Variants in RHBDL2 observed in about 807,000 individuals in gnomAD.
The protein encoded by RHBDL2 is rhomboid-related protein 2.
In RHBDL2, 26 loss-of-function variants were observed where a neutral mutation model predicts 31.7. The observed-to-expected ratio is 0.82, with a 90% CI of 0.60 to 1.14. The LOEUF (loss-of-function observed/expected upper bound fraction) is 1.14, where lower values mean the gene tolerates loss of function less well. Among genes scored for constraint, RHBDL2 ranks in the 50% most tolerant of loss-of-function variants. RHBDL2 has a pLI of 0.00. For missense variants in RHBDL2, 336 were observed against 364.4 expected, an observed-to-expected ratio of 0.92 and a Z score of 0.63; for synonymous variants, 123 against 127.2, an observed-to-expected ratio of 0.97 and a Z score of 0.22.
chr1:38,911,131 C>A (rs1373805780), intron 4 of RHBDL2, among the ~76,000 whole-genome samples, 191 bp downstream of exon 4: 1 of 152,052 alleles, frequency 6.6e-6, no homozygotes. Context: ...TGAGGACAGG[C>A]ACAATGACTT....
chr1:38,916,556 A>G (rs944277043), intron 2 of RHBDL2, among the ~76,000 whole-genome samples: 5 of 152,208 alleles, frequency 3.3e-5, no homozygotes, highest in Admixed American at 6.6e-5. Flanking sequence ...TGACAAATGT[A>G]CTATGGGGCC....
At chr1:38,901,391 G>T (rs1346886003) in intron 4 of RHBDL2, among the ~76,000 whole-genome samples, 2 of 150,264 alleles carry the variant, frequency 1.3e-5, no homozygotes, top group Non-Finnish European at 3.0e-5. Flanking sequence ...GAACCCAGGA[G>T]GCAGAGGTTG....
In RHBDL2 at chr1:38,886,426, T is replaced by C; in HGVS notation, c.*78A>G. ...GTTAGCCTTTTCTGAGACTTCTCTG[T>C]TTCTTCATAGAGTCTTCCTTTTTTT... is the stretch of plus-strand genomic sequence containing the variant. On this transcript the variant is annotated 3_prime_UTR_variant, in exon 8 of 8. Transcript: ENST00000372990. 8.7e-7 allele frequency: 1 copy of C among 1,149,792 alleles called. No individual in the cohort carries two copies. Among genetic ancestry groups the C allele is most frequent in the Non-Finnish European group, 1.2e-6 (1 of 840,224 alleles). 71.2% of individuals were successfully genotyped at this position (1,149,792 alleles called of 1,614,324 possible). A position where few individuals can be genotyped will look rare whatever the true frequency, so the allele number is the denominator to read the frequency against.
chr1:38,896,067 AC>A lies in RHBDL2; in HGVS notation c.510del (p.Ser171ProfsTer23). 7 of 1,609,790 alleles carry A rather than the reference AC, an allele frequency of 4.3e-6. No homozygotes were observed. Among genetic ancestry groups the A allele is most frequent in the Non-Finnish European group, 6.0e-6 (7 of 1,176,304 alleles). On this transcript the variant is annotated frameshift_variant and splice_region_variant, in exon 5 of 8. Coordinates refer to ENST00000372990, the MANE Select transcript of RHBDL2 (RefSeq NM_017821.5). LOFTEE classifies it high-confidence loss of function. ...GLVYLAGVIAGSLASSIFDPL... is the reference protein window; with the variant it reads ...GLVYLAGVIAXSLASSIFDPL... ...GGGTCAAAGATGGAGCTGGCAAGGG[AC>A]CCTAAAGAAATAAAACACAAAGGAT...
At chr1:38,931,389 C>T (rs937505991) in intron 1 of RHBDL2, among the ~76,000 whole-genome samples, 1 of 151,986 alleles carries the variant, frequency 6.6e-6, no homozygotes, top group Non-Finnish European at 1.5e-5. Context: ...GGCGTGTTGG[C>T]GGGCGCCTGT....
chr1:38,930,564 C>T (rs776589967), intron 1 of RHBDL2, among the ~76,000 whole-genome samples: 8 of 152,214 alleles, frequency 5.3e-5, no homozygotes, highest in Non-Finnish European at 4.4e-5. Flanking sequence ...ATCCTAAACA[C>T]ATCATCTTTG....
intron 6 of RHBDL2, 89 bp from the exon 7 acceptor site, chr1:38,888,113 A>C: frequency 1.3e-6 from 1 of 797,606 alleles, no homozygotes; most frequent in Non-Finnish European, 2.1e-6. Context: ...TAATAATACT[A>C]GCTATCATTT....
At chr1:38,888,876 A>G (rs1200259976) in intron 6 of RHBDL2, among the ~76,000 whole-genome samples, 3 of 152,142 alleles carry the variant, frequency 2.0e-5, no homozygotes, top group South Asian at 2.1e-4. Flanking sequence ...GTGTTTTCCA[A>G]CTACCAACTG....
At chr1:38,912,699 G>A (rs1304522733) in intron 3 of RHBDL2, among the ~76,000 whole-genome samples, 1 of 151,662 alleles carries the variant, frequency 6.6e-6, no homozygotes, top group Non-Finnish European at 1.5e-5. Context: ...GGGATTACAG[G>A]TGTGAGCCAC....
intron 3 of RHBDL2, 30 bp from the exon 4 acceptor site, chr1:38,911,464 T>C: frequency 6.9e-7 from 1 of 1,448,490 alleles, no homozygotes; most frequent in Non-Finnish European, 9.7e-7. Flanking sequence ...TTGTCAAATA[T>C]TATGACTAAA....
intron 1 of RHBDL2, among the ~76,000 whole-genome samples, chr1:38,921,109 C>T (rs1224233562): frequency 6.6e-5 from 10 of 152,104 alleles, no homozygotes; most frequent in Non-Finnish European, 1.5e-4. Context: ...GCATGTAAAG[C>T]ACTTAAAACA....
In RHBDL2 at chr1:38,886,162, C is replaced by T. The variant is rs558906531; in HGVS notation, c.*342G>A. The T allele has an allele frequency of 8.7e-4, 136 of 157,004 alleles. 1 individual carries two copies. The highest frequency in any genetic ancestry group is 3.2e-3 in the African/African-American group (132 of 41,816). 9.7% of individuals were successfully genotyped at this position (157,004 alleles called of 1,614,324 possible). A position where few individuals can be genotyped will look rare whatever the true frequency, so the allele number is the denominator to read the frequency against. On this transcript the variant is annotated 3_prime_UTR_variant, in exon 8 of 8. Coordinates refer to ENST00000372990, the MANE Select transcript of RHBDL2 (RefSeq NM_017821.5). Reference sequence around the variant, plus strand: ...AGAGACAGGGTTTCACCATATTGGTCAGGCTGGTCTTGAACTCATGACCTC... The same window carrying T: ...AGAGACAGGGTTTCACCATATTGGTTAGGCTGGTCTTGAACTCATGACCTC...
chr1:38,901,836 A>T (rs1246381507), intron 4 of RHBDL2, among the ~76,000 whole-genome samples: 4 of 143,598 alleles, frequency 2.8e-5, no homozygotes. Context: ...CATCTCAAAA[A>T]AAATAAAATA....
At chr1:38,896,109 G>T in intron 4 of RHBDL2, 40 bp from the exon 5 acceptor site, 2 of 1,404,360 alleles carry the variant, frequency 1.4e-6, no homozygotes, top group Non-Finnish European at 2.0e-6. Context: ...ATGACTATAC[G>T]GATCAGGAAA....
intron 1 of RHBDL2, among the ~76,000 whole-genome samples, chr1:38,930,760 T>G (rs762303223): frequency 1.3e-5 from 2 of 152,166 alleles, no homozygotes; most frequent in Non-Finnish European, 2.9e-5. Flanking sequence ...GCCCAGGCCC[T>G]TAAGTAAGGA....
chr1:38,928,316 G>A (rs2124349892), intron 1 of RHBDL2, among the ~76,000 whole-genome samples: 1 of 150,996 alleles, frequency 6.6e-6, no homozygotes, highest in South Asian at 2.1e-4. Flanking sequence ...TAATTTTTTT[G>A]TATTCTTAGT....
chr1:38,912,891 T>G (rs1244445447), intron 3 of RHBDL2, among the ~76,000 whole-genome samples: 1 of 71,614 alleles, frequency 1.4e-5, no homozygotes, highest in African/African-American at 6.1e-5. Flanking sequence ...ACCATATATA[T>G]ATATATATAT....
At chr1:38,906,471 G>A (rs531486075) in intron 4 of RHBDL2, among the ~76,000 whole-genome samples, 36 of 152,112 alleles carry the variant, frequency 2.4e-4, no homozygotes, top group Admixed American at 1.0e-3. Flanking sequence ...TCAGGAGATC[G>A]AGACCATCCT....
In RHBDL2 at chr1:38,886,545, A is replaced by G; in HGVS notation, c.871T>C (p.Phe291Leu). The change falls in exon 8 of 8, where the codon TTT (phenylalanine) becomes CTT (leucine). Residue 291 changes from phenylalanine to leucine, a missense_variant. Physicochemically the swap from Phe to Leu is conservative, Grantham distance 22. Coordinates refer to ENST00000372990, the MANE Select transcript of RHBDL2 (RefSeq NM_017821.5). ...AIAAYLACVL[F>L]AVFFNIFLSP... ...AGGAAAATGTTGAAAAACACAGCAA[A>G]TAAGACACAAGCTAAATATGCAGCA... The G allele has an allele frequency of 5.0e-6, 8 of 1,601,010 alleles. No individual in the cohort carries two copies. The highest frequency in any genetic ancestry group is 6.8e-6 in the Non-Finnish European group (8 of 1,172,126).
Sources: gnomAD v4.1 joint callset for allele counts (sites outside exome capture counted in the v4.1 genomes callset) on GRCh38, gnomAD v4.1.1 for gene constraint, MANE v1.5 for transcripts, NCBI Gene and HGNC (gene_info 2026-07-23, HGNC 2026-07-21) for gene names.